The following CDH12 variants were observed in gnomAD, a reference collection of about 807,000 sequenced individuals.
The protein encoded by CDH12 is cadherin 12.
Under a neutral mutation model 74.1 loss-of-function variants are expected in CDH12, and 41 were observed. The ratio of observed to expected loss-of-function variants is 0.55; its 90% CI spans 0.43 to 0.72. The LOEUF (loss-of-function observed/expected upper bound fraction) is 0.72, where lower values mean the gene tolerates loss of function less well. CDH12 is among the 30% of genes least tolerant of loss of function. The pLI is 0.00. For missense variants in CDH12, 945 were observed against 977.2 expected, an observed-to-expected ratio of 0.97 and a Z score of 0.44; for synonymous variants, 399 against 355.0, an observed-to-expected ratio of 1.12 and a Z score of -1.39.
intron 2 of CDH12, among the ~76,000 whole-genome samples, chr5:22,438,014 C>T (rs1580649921): frequency 6.6e-6 from 1 of 152,014 alleles, no homozygotes. Flanking sequence ...TTTGTTACTC[C>T]ATAATTTTTT....
intron 4 of CDH12, among the ~76,000 whole-genome samples, chr5:22,208,333 C>T (rs1247858980): frequency 5.9e-5 from 9 of 152,144 alleles, no homozygotes; most frequent in African/African-American, 1.7e-4. Flanking sequence ...GCCTGGAATA[C>T]GATACGGGAT....
intron 11 of CDH12, among the ~76,000 whole-genome samples, chr5:21,781,898 C>T (rs991088098): frequency 2.6e-5 from 4 of 152,078 alleles, no homozygotes; most frequent in African/African-American, 7.2e-5. Context: ...GATATCTGTT[C>T]CCATGTATCA....
In CDH12 at chr5:22,482,911, T is replaced by C. The variant is rs1483583525; in HGVS notation, c.-428+22359A>G. 3.3e-5 allele frequency among the ~76,000 whole-genome samples: 5 copies of C among 152,316 alleles called. No individual in the cohort carries two copies. The South Asian group carries it at 6.2e-4, about 19-fold the overall frequency. ...GCAGTCAATTCATCCATATGGCCAG[T>C]GTGTTCTTTCAGTGATGGATCTCCT... On this transcript the variant is annotated intron_variant, in intron 2 of 14. Coordinates refer to ENST00000382254, the MANE Select transcript of CDH12 (RefSeq NM_004061.5).
rs116336423 is a variant in CDH12, at chr5:22,016,196, A to G, written c.232-40811T>C. ...CATCATGATAGCTTCCTCAAACTGT[A>G]GAGTATGATCTTTCTAGGTGGCCAG... On this transcript the variant is annotated intron_variant, in intron 5 of 14. Transcript: ENST00000382254. Among the ~76,000 whole-genome samples the G allele has an allele frequency of 6.0e-3, 911 of 152,226 alleles. 13 individuals carry two copies. Among genetic ancestry groups the G allele is most frequent in the African/African-American group, 0.021 (873 of 41,486 alleles).
At chr5:21,828,314 G>T (rs1025375200) in intron 8 of CDH12, among the ~76,000 whole-genome samples, 2 of 152,028 alleles carry the variant, frequency 1.3e-5, no homozygotes, top group Non-Finnish European at 2.9e-5. Context: ...TAAAGACGGG[G>T]TTTCACCATA....
intron 1 of CDH12, among the ~76,000 whole-genome samples, chr5:22,718,715 C>T (rs1743717286): frequency 1.3e-5 from 2 of 152,226 alleles, no homozygotes; most frequent in South Asian, 4.1e-4. Flanking sequence ...GGAAGGGCTG[C>T]AAACTAAAGG....
At chr5:21,947,972 C>T (rs1755655838) in intron 6 of CDH12, among the ~76,000 whole-genome samples, 1 of 152,180 alleles carries the variant, frequency 6.6e-6, no homozygotes, top group Admixed American at 6.5e-5. Flanking sequence ...AAGCCCCAAG[C>T]CTTGGAGGAT....
intron 4 of CDH12, among the ~76,000 whole-genome samples, chr5:22,082,920 T>C (rs965843831): frequency 6.6e-6 from 1 of 152,206 alleles, no homozygotes; most frequent in African/African-American, 2.4e-5. Context: ...AGGCTGAACT[T>C]TACTTGTATC....
At chr5:21,956,976 C>T (rs76421374) in intron 6 of CDH12, among the ~76,000 whole-genome samples, 24,951 of 151,408 alleles carry the variant, frequency 0.16, 2,364 homozygotes, top group African/African-American at 0.26. Context: ...TAGGTAAACT[C>T]GTGTCACCAG....
intron 3 of CDH12, among the ~76,000 whole-genome samples, chr5:22,270,560 A>G (rs950126432): frequency 4.7e-5 from 7 of 150,142 alleles, no homozygotes; most frequent in African/African-American, 1.7e-4. Context: ...GCACTGTTGC[A>G]CTTCTGCCTA....
At chr5:22,182,414 G>A (rs1749697234) in intron 4 of CDH12, among the ~76,000 whole-genome samples, 1 of 152,138 alleles carries the variant, frequency 6.6e-6, no homozygotes, top group Non-Finnish European at 1.5e-5. Context: ...CCTACCATAA[G>A]AGGATTGCAT....
intron 9 of CDH12, 136 bp downstream of exon 9, chr5:21,816,809 A>G: frequency 1.8e-6 from 1 of 542,222 alleles, no homozygotes; most frequent in Non-Finnish European, 3.0e-6. Context: ...TCAGTACCCC[A>G]ACTCTCACAT....
chr5:22,075,357 T>C (rs564286246), intron 5 of CDH12, among the ~76,000 whole-genome samples: 1 of 150,750 alleles, frequency 6.6e-6, no homozygotes, highest in South Asian at 2.1e-4. Flanking sequence ...ATATACCTAA[T>C]GTTAAATGAT....
At chr5:22,185,201 T>TC (rs1003591297) in intron 4 of CDH12, among the ~76,000 whole-genome samples, 2 of 122,282 alleles carry the variant, frequency 1.6e-5, no homozygotes, top group South Asian at 6.2e-4. Flanking sequence ...CTCTCTCTCT[T>TC]TTTTTTTTTT....
At chr5:22,164,595 CAG>C (rs1436094641) in intron 4 of CDH12, among the ~76,000 whole-genome samples, 1 of 152,208 alleles carries the variant, frequency 6.6e-6, no homozygotes, top group African/African-American at 2.4e-5. Context: ...AGAGTGAAAA[CAG>C]AGCTCCTGTA....
rs774723415 is a variant in CDH12, at chr5:22,562,968, GTTTA to G, written c.-522-57608_-522-57605del. 1.2e-3 allele frequency among the ~76,000 whole-genome samples: 171 copies of G among 146,674 alleles called. 1 individual carries two copies. The highest frequency in any genetic ancestry group is 2.1e-3 in the Non-Finnish European group (137 of 66,822). ...AATATTTATATTTTATATAATGCAT[GTTTA>G]TTTAAATATAAATTTGAATATTTAT... On this transcript the variant is annotated intron_variant, in intron 1 of 14. Transcript: ENST00000382254.
Position 22,654,450 on chromosome 5 carries a change from C to A in CDH12, c.-522-149086G>T, listed in dbSNP as rs116770353. Among the ~76,000 whole-genome samples, 4 of 151,446 alleles carry A rather than the reference C, an allele frequency of 2.6e-5. No homozygotes were observed. The East Asian group carries it at 7.9e-4, about 30-fold the overall frequency. ...GATTACAGGCACCTGCCTCCACCGC[C>A]GGCTAATTGTGGTATTTTTAGTAGA... is the stretch of plus-strand genomic sequence containing the variant. On this transcript the variant is annotated intron_variant, in intron 1 of 14. Transcript: ENST00000382254.
Position 22,054,849 on chromosome 5 carries a change from G to C in CDH12, c.231+23597C>G, listed in dbSNP as rs191023565. On this transcript the variant is annotated intron_variant, in intron 5 of 14. Coordinates refer to ENST00000382254, the MANE Select transcript of CDH12 (RefSeq NM_004061.5). ...GAATAGGCTACAGGACAGTGATACT[G>C]TTTTAGACTTAGAATGCAGTTAATT... 2.0e-3 allele frequency among the ~76,000 whole-genome samples: 303 copies of C among 152,256 alleles called. 4 individuals are homozygous for C. The highest frequency in any genetic ancestry group is 6.7e-3 in the African/African-American group (279 of 41,550).
chr5:22,089,619 A>G (rs1161308217), intron 4 of CDH12, among the ~76,000 whole-genome samples: 1 of 152,168 alleles, frequency 6.6e-6, no homozygotes, highest in Non-Finnish European at 1.5e-5. Flanking sequence ...GAGGAGCTCA[A>G]CACTAGATTT....
Sources: gnomAD v4.1 joint callset for allele counts (sites outside exome capture counted in the v4.1 genomes callset) on GRCh38, gnomAD v4.1.1 for gene constraint, MANE v1.5 for transcripts, NCBI Gene and HGNC (gene_info 2026-07-23, HGNC 2026-07-21) for gene names.